ROR1: variants seen among roughly 807,000 people sequenced by gnomAD.
The protein encoded by ROR1 is ROR family WNT receptor 1, also known as inactive tyrosine-protein kinase transmembrane receptor ROR1.
ROR1 carries 19 observed loss-of-function variants against 78.8 expected under a neutral mutation model. That is an observed-to-expected ratio of 0.24 (90% CI 0.17 to 0.35). The LOEUF (loss-of-function observed/expected upper bound fraction) is 0.35, where lower values mean the gene tolerates loss of function less well. ROR1 is among the 10% of genes least tolerant of loss of function. The probability of loss-of-function intolerance (pLI) is 1.00; values close to 1 mark genes in which losing one functional copy is unlikely to be tolerated. For synonymous variants in ROR1, 386 were observed against 433.6 expected (o/e 0.89, Z 1.36); for missense variants, 917 against 1,177.8 (o/e 0.78, Z 3.24).
chr1:63,844,044 C>T (rs999894219), intron 1 of ROR1, among the ~76,000 whole-genome samples: 1 of 152,162 alleles, frequency 6.6e-6, no homozygotes, highest in African/African-American at 2.4e-5. Flanking sequence ...CTTAGGGGGG[C>T]AGCATATCAG....
chr1:64,107,980 A>G (rs1256033635), intron 4 of ROR1, among the ~76,000 whole-genome samples: 1 of 152,024 alleles, frequency 6.6e-6, no homozygotes, highest in Non-Finnish European at 1.5e-5. Flanking sequence ...TGACATGTTT[A>G]ATTATTTTAT....
intron 1 of ROR1, among the ~76,000 whole-genome samples, chr1:63,813,640 T>G (rs950272413): frequency 6.6e-6 from 1 of 152,216 alleles, no homozygotes; most frequent in Non-Finnish European, 1.5e-5. Context: ...TTGTGGCCCC[T>G]AAAGCTTTGC....
intron 1 of ROR1, among the ~76,000 whole-genome samples, chr1:63,930,193 C>T (rs1645740200): frequency 6.6e-6 from 1 of 151,964 alleles, no homozygotes; most frequent in African/African-American, 2.4e-5. Flanking sequence ...TTAATGGGTT[C>T]TCCTCTCTCT....
intron 4 of ROR1, among the ~76,000 whole-genome samples, chr1:64,135,005 T>C (rs1649053515): frequency 6.6e-6 from 1 of 152,144 alleles, no homozygotes. Flanking sequence ...CGTCTCGGCC[T>C]CCCAGTGTGC....
intron 7 of ROR1, among the ~76,000 whole-genome samples, chr1:64,147,073 A>G (rs2806542): frequency 0.22 from 32,976 of 152,182 alleles, 4,669 homozygotes; most frequent in Non-Finnish European, 0.32. Flanking sequence ...TACAAGCATG[A>G]TGATTGGTTC....
intron 8 of ROR1, among the ~76,000 whole-genome samples, chr1:64,169,612 A>C (rs1178969887): frequency 6.6e-6 from 1 of 152,112 alleles, no homozygotes; most frequent in Admixed American, 6.6e-5. Flanking sequence ...ATTTCCTTAC[A>C]TTTTAAAACC....
At chr1:64,142,894 G>C in intron 7 of ROR1, 1 of 1,339,594 alleles carries the variant, frequency 7.5e-7, no homozygotes, top group Non-Finnish European at 9.6e-7. Flanking sequence ...ATGTAACAGG[G>C]ACCCAGCCCT....
At chr1:64,151,102 G>T (rs933985263) in intron 7 of ROR1, among the ~76,000 whole-genome samples, 1 of 152,220 alleles carries the variant, frequency 6.6e-6, no homozygotes, top group South Asian at 2.1e-4. Context: ...TAGACTAAGG[G>T]AAATGTTATA....
At chr1:64,034,463 A>T (rs568787173) in intron 2 of ROR1, among the ~76,000 whole-genome samples, 1 of 152,294 alleles carries the variant, frequency 6.6e-6, no homozygotes, top group Non-Finnish European at 1.5e-5. Context: ...AATATGAACG[A>T]GGGTGTCTTG....
chr1:64,113,817 A>T (rs1053724419), intron 4 of ROR1: 1 of 152,016 alleles, frequency 6.6e-6, no homozygotes, highest in Non-Finnish European at 1.5e-5. Flanking sequence ...AGAAAGAAAG[A>T]AAAAAGAAAG....
chr1:64,040,309 CTT>C (rs925095390), intron 2 of ROR1, among the ~76,000 whole-genome samples: 1 of 152,132 alleles, frequency 6.6e-6, no homozygotes, highest in Admixed American at 6.6e-5. Context: ...AGTTAAAAGA[CTT>C]TGGTCATATT....
intron 2 of ROR1, among the ~76,000 whole-genome samples, chr1:64,022,986 T>C (rs895293716): frequency 1.3e-5 from 2 of 152,240 alleles, no homozygotes; most frequent in East Asian, 3.9e-4. Flanking sequence ...CTAGGAGAAA[T>C]GTTGAGGTAA....
intron 4 of ROR1, chr1:64,094,531 TC>T (rs1647245743): frequency 6.6e-6 from 1 of 152,056 alleles, no homozygotes; most frequent in Non-Finnish European, 1.5e-5. Flanking sequence ...GCCTTTTTTT[TC>T]CTGAAGCTTT....
intron 4 of ROR1, among the ~76,000 whole-genome samples, chr1:64,079,157 T>A (rs558331272): frequency 5.9e-5 from 9 of 152,238 alleles, no homozygotes; most frequent in Admixed American, 4.6e-4. Flanking sequence ...AAGTGGTCAT[T>A]CCTAGGAGAC....
chr1:64,115,388 A>T (rs1353643262), intron 4 of ROR1, among the ~76,000 whole-genome samples: 1 of 151,664 alleles, frequency 6.6e-6, no homozygotes, highest in African/African-American at 2.4e-5. Flanking sequence ...GCTAATTTTT[A>T]ATTTTTATTT....
At chr1:63,928,453 G>A (rs6671129) in intron 1 of ROR1, among the ~76,000 whole-genome samples, 5,052 of 152,294 alleles carry the variant, frequency 0.033, 283 homozygotes, top group African/African-American at 0.11. Context: ...AGGCGTGGCA[G>A]AAGTGCCTCC....
intron 4 of ROR1, among the ~76,000 whole-genome samples, chr1:64,110,139 C>T (rs963168336): frequency 1.3e-5 from 2 of 152,116 alleles, no homozygotes; most frequent in East Asian, 1.9e-4. Context: ...ATCAAATATT[C>T]GTGGAGTTGA....
At chr1:63,944,748 T>G (rs1461098432) in intron 1 of ROR1, among the ~76,000 whole-genome samples, 1 of 152,144 alleles carries the variant, frequency 6.6e-6, no homozygotes, top group Non-Finnish European at 1.5e-5. Flanking sequence ...GGATGCAGAG[T>G]CAGGAGACCT....
intron 5 of ROR1, among the ~76,000 whole-genome samples, chr1:64,139,800 C>T (rs896910865): frequency 4.6e-5 from 7 of 152,140 alleles, no homozygotes; most frequent in African/African-American, 1.4e-4. Flanking sequence ...AGATGAAACA[C>T]AAAGTTCGAT....
Sources: gnomAD v4.1 joint callset for allele counts (sites outside exome capture counted in the v4.1 genomes callset) on GRCh38, gnomAD v4.1.1 for gene constraint, MANE v1.5 for transcripts, NCBI Gene and HGNC (gene_info 2026-07-23, HGNC 2026-07-21) for gene names.